Variants in ZBTB7C observed in about 807,000 individuals in gnomAD.
ZBTB7C encodes the protein zinc finger and BTB domain-containing protein 7C.
Under a neutral mutation model 25.7 loss-of-function variants are expected in ZBTB7C, and 8 were observed. That is an observed-to-expected ratio of 0.31 (90% confidence interval 0.18 to 0.56). ZBTB7C has a LOEUF of 0.56. Ranked by LOEUF, ZBTB7C falls within the 20% of genes least tolerant of loss-of-function variation. ZBTB7C has a pLI of 0.91. For missense variants in ZBTB7C, 824 were observed against 855.2 expected (o/e 0.96, Z 0.46); for synonymous variants, 394 against 369.0 (o/e 1.07, Z -0.78).
At chr18:48,343,403 A>G (rs1568387840) in intron 1 of ZBTB7C, among the ~76,000 whole-genome samples, 3 of 152,174 alleles carry the variant, frequency 2.0e-5, no homozygotes, top group Non-Finnish European at 4.4e-5. Flanking sequence ...ACATAGAGTA[A>G]TAATACCCAC....
At chr18:48,410,480 C>A (rs2048372450), upstream of ZBTB7C, among the ~76,000 whole-genome samples, 1 of 152,212 alleles carries the variant, frequency 6.6e-6, no homozygotes, top group African/African-American at 2.4e-5. Context: ...CCCGCCCCCT[C>A]GGAGTCTGTC....
At chr18:48,284,004 AG>A (rs1332577950) in intron 2 of ZBTB7C, among the ~76,000 whole-genome samples, 9 of 152,144 alleles carry the variant, frequency 5.9e-5, no homozygotes, top group Non-Finnish European at 1.2e-4. Flanking sequence ...GAAATTTGCC[AG>A]GCATAGTGGT....
At chr18:48,182,296 G>T (rs1301906627) in intron 3 of ZBTB7C, among the ~76,000 whole-genome samples, 1 of 152,142 alleles carries the variant, frequency 6.6e-6, no homozygotes, top group Non-Finnish European at 1.5e-5. Flanking sequence ...ACATGAAGGA[G>T]AACTGAAAGA....
chr18:48,343,681 G>A (rs1484325831), intron 1 of ZBTB7C, among the ~76,000 whole-genome samples: 1 of 152,170 alleles, frequency 6.6e-6, no homozygotes, highest in Non-Finnish European at 1.5e-5. Context: ...GTCGGGAGTG[G>A]TGGATGTGCT....
intron 2 of ZBTB7C, among the ~76,000 whole-genome samples, chr18:48,279,614 A>G (rs2044771427): frequency 6.6e-6 from 1 of 152,200 alleles, no homozygotes; most frequent in African/African-American, 2.4e-5. Flanking sequence ...CAGACAAGGG[A>G]CAACCTCCCC....
intron 3 of ZBTB7C, among the ~76,000 whole-genome samples, chr18:48,177,759 T>C (rs1377523306): frequency 1.3e-5 from 2 of 152,128 alleles, no homozygotes; most frequent in African/African-American, 4.8e-5. Context: ...TCTGCTCTTC[T>C]TGTGCCCTGG....
intron 3 of ZBTB7C, among the ~76,000 whole-genome samples, chr18:48,086,415 C>G (rs1598851411): frequency 6.6e-6 from 1 of 152,190 alleles, no homozygotes; most frequent in African/African-American, 2.4e-5. Context: ...CCAGAGCCTG[C>G]ATTTCTACCT....
intron 3 of ZBTB7C, among the ~76,000 whole-genome samples, chr18:48,081,377 A>T (rs891203701): frequency 2.6e-5 from 4 of 152,140 alleles, no homozygotes; most frequent in African/African-American, 9.7e-5. Flanking sequence ...GTAGCCCAGG[A>T]AGGGGAGGCA....
At chr18:48,397,565 G>A (rs1451453307) in intron 1 of ZBTB7C, among the ~76,000 whole-genome samples, 1 of 152,146 alleles carries the variant, frequency 6.6e-6, no homozygotes, top group Non-Finnish European at 1.5e-5. Flanking sequence ...TAAATTGAAA[G>A]TTGCTGTGAG....
At chr18:48,060,618 C>G (rs1267577359) in intron 3 of ZBTB7C, among the ~76,000 whole-genome samples, 2 of 152,194 alleles carry the variant, frequency 1.3e-5, no homozygotes, top group African/African-American at 4.8e-5. Flanking sequence ...AACCTCCTCA[C>G]CCTACCCCAC....
intron 2 of ZBTB7C, among the ~76,000 whole-genome samples, chr18:48,289,930 T>C (rs1324589082): frequency 6.6e-6 from 1 of 152,158 alleles, no homozygotes; most frequent in South Asian, 2.1e-4. Flanking sequence ...AAATACAATA[T>C]AGCAGTGAAA....
At chr18:48,115,452 G>A (rs992108019) in intron 3 of ZBTB7C, among the ~76,000 whole-genome samples, 16 of 151,832 alleles carry the variant, frequency 1.1e-4, no homozygotes, top group African/African-American at 3.1e-4. Context: ...GGGTTTCACC[G>A]TGGTCTCGAT....
At chr18:48,141,401 C>T (rs1330240970) in intron 3 of ZBTB7C, among the ~76,000 whole-genome samples, 3 of 152,078 alleles carry the variant, frequency 2.0e-5, no homozygotes, top group Non-Finnish European at 2.9e-5. Context: ...ATGGCAAGGA[C>T]CCATGCATCT....
At chr18:48,367,188 TATATATATATATATACACAC>T (rs2047245685) in intron 1 of ZBTB7C, among the ~76,000 whole-genome samples, 1 of 27,690 alleles carries the variant, frequency 3.6e-5, no homozygotes, top group Admixed American at 5.4e-4. Context: ...TATATATATA[TATATATATATATATACACAC>T]ACACACACAC....
intron 3 of ZBTB7C, among the ~76,000 whole-genome samples, chr18:48,162,033 C>A (rs1436829753): frequency 6.6e-6 from 1 of 152,164 alleles, no homozygotes; most frequent in African/African-American, 2.4e-5. Context: ...GGGCGGGACC[C>A]GCACTGACCC....
chr18:48,038,132 G>A (rs1000431495), intron 4 of ZBTB7C, among the ~76,000 whole-genome samples: 1 of 152,150 alleles, frequency 6.6e-6, no homozygotes, highest in African/African-American at 2.4e-5. Flanking sequence ...CATCCAAGGG[G>A]AGGTGAATCT....
intron 2 of ZBTB7C, among the ~76,000 whole-genome samples, chr18:48,259,672 G>T (rs2044115074): frequency 6.6e-6 from 1 of 152,024 alleles, no homozygotes; most frequent in African/African-American, 2.4e-5. Context: ...TCAACAATAA[G>T]AAATCAAACA....
rs1248818841 is a variant in ZBTB7C at position 48,028,426 on chromosome 18, T to C, written c.*834A>G. Reference sequence around the variant, plus strand: ...ACCTGATCTCTGTCTAGTCTGGCCATATTTCTCACCTATGCTAATATGCTA... The same window carrying C: ...ACCTGATCTCTGTCTAGTCTGGCCACATTTCTCACCTATGCTAATATGCTA... On this transcript the variant is annotated 3_prime_UTR_variant, in exon 5 of 5. Coordinates refer to ENST00000590800, the MANE Select transcript of ZBTB7C (RefSeq NM_001318841.2). 2 of 152,212 alleles carry C rather than the reference T, an allele frequency of 1.3e-5. No individual in the cohort carries two copies. The highest frequency in any genetic ancestry group is 2.9e-5 in the Non-Finnish European group (2 of 68,048). The allele number at this position is 152,212 out of a possible 1,614,324, so 9.4% of individuals were successfully genotyped here. A position where few individuals can be genotyped will look rare whatever the true frequency, so the allele number is the denominator to read the frequency against.
chr18:48,389,901 T>C (rs10438918), intron 1 of ZBTB7C, among the ~76,000 whole-genome samples: 63,901 of 152,102 alleles, frequency 0.42, 13,808 homozygotes, highest in Non-Finnish European at 0.46. Context: ...TTGTGGGTTT[T>C]TCTAGACTCC....
Sources: gnomAD v4.1 joint callset for allele counts (sites outside exome capture counted in the v4.1 genomes callset) on GRCh38, gnomAD v4.1.1 for gene constraint, MANE v1.5 for transcripts, NCBI Gene and HGNC (gene_info 2026-07-23, HGNC 2026-07-21) for gene names.